The following ABCA1 variants were observed in gnomAD, a reference collection of about 807,000 sequenced individuals.
The protein encoded by ABCA1 is phospholipid-transporting ATPase ABCA1.
A neutral mutation model predicts 262.5 loss-of-function variants in ABCA1; 133 were observed. That is an observed-to-expected ratio of 0.51 (90% CI 0.44 to 0.59). The LOEUF is 0.59. ABCA1 is among the 20% of genes least tolerant of loss of function. The pLI is 0.00. For synonymous variants in ABCA1, 1,022 were observed against 1,043.5 expected (o/e 0.98, Z 0.40); for missense variants, 2,452 against 2,777.5 (o/e 0.88, Z 2.63).
At chr9:104,893,376 C>T (rs1839925366) in intron 2 of ABCA1, among the ~76,000 whole-genome samples, 2 of 131,064 alleles carry the variant, frequency 1.5e-5, no homozygotes, top group Admixed American at 8.6e-5. Context: ...GAGCCAAGAT[C>T]GCTCCATTGC....
intron 3 of ABCA1, among the ~76,000 whole-genome samples, chr9:104,888,284 G>GA (rs1204811728): frequency 6.6e-6 from 1 of 152,014 alleles, no homozygotes; most frequent in East Asian, 1.9e-4. Context: ...TTAGTGGTAG[G>GA]AAAAATCACT....
intron 39 of ABCA1, among the ~76,000 whole-genome samples, chr9:104,795,761 C>A (rs1435044066): frequency 6.6e-6 from 1 of 152,018 alleles, no homozygotes; most frequent in Non-Finnish European, 1.5e-5. Flanking sequence ...TCGCCCAGCT[C>A]TCATGTGTAA....
At chr9:104,790,469 A>G (rs767302860) in intron 44 of ABCA1, among the ~76,000 whole-genome samples, 4 of 152,228 alleles carry the variant, frequency 2.6e-5, no homozygotes, top group African/African-American at 4.8e-5. Flanking sequence ...CCACTGGGAA[A>G]TATTCATAAT....
intron 12 of ABCA1, 40 bp from the exon 13 acceptor site, chr9:104,831,867 G>A (rs13306067): frequency 2.5e-6 from 4 of 1,591,572 alleles, no homozygotes; most frequent in Admixed American, 1.7e-5. Flanking sequence ...TTGGCAGCCA[G>A]GACAACAAGC....
At chr9:104,815,993 G>A in intron 25 of ABCA1, 150 bp downstream of exon 25, 1 of 856,132 alleles carries the variant, frequency 1.2e-6, no homozygotes, top group Non-Finnish European at 2.0e-6. Context: ...CATCTTAAAT[G>A]GCTCACTGGG....
In ABCA1 at chr9:104,826,964, G is replaced by A. The variant is rs1409142466; in HGVS notation, c.2321C>T (p.Thr774Ile). The change falls in exon 16 of 50, where the codon ACA (threonine) becomes ATA (isoleucine). Residue 774 changes from threonine to isoleucine, a missense_variant. This residue lies in a region of ABCA1 where 1,032 missense variants were observed against 1,089.7 expected (regional missense o/e 0.95). Transcript: ENST00000374736. Reference sequence around the variant, plus strand: ...GGTACTCACAGCGAAGATCTTGAGTGTGAAGCCCACGTAGTCCTGCCATGC... The same window carrying A: ...GGTACTCACAGCGAAGATCTTGAGTATGAAGCCCACGTAGTCCTGCCATGC... ...CVAWQDYVGF[T>I]LKIFASLLSP... The A allele has an allele frequency of 6.2e-7, 1 of 1,613,864 alleles. No individual in the cohort carries two copies. Among genetic ancestry groups the A allele is most frequent in the Middle Eastern group, 1.7e-4 (1 of 5,978 alleles).
At chr9:104,885,853 A>G (rs1169846809) in intron 3 of ABCA1, among the ~76,000 whole-genome samples, 1 of 152,192 alleles carries the variant, frequency 6.6e-6, no homozygotes, top group Admixed American at 6.5e-5. Flanking sequence ...GTTCACAGTT[A>G]TCAAGAACCA....
At chr9:104,811,033 AGCACG>A in intron 28 of ABCA1, 109 bp from the exon 29 acceptor site, 1 of 1,518,078 alleles carries the variant, frequency 6.6e-7, no homozygotes, top group Non-Finnish European at 9.0e-7. Context: ...CCGACCAACC[AGCACG>A]GCAATGAGGA....
At position 104,825,809 on chromosome 9, in the gene ABCA1, A is replaced by C; in HGVS notation, c.2416T>G (p.Trp806Gly). 1 of 1,614,212 alleles carries C rather than the reference A, an allele frequency of 6.2e-7. No homozygotes were observed. The highest frequency in any genetic ancestry group is 8.5e-7 in the Non-Finnish European group (1 of 1,180,036). Residue 806 changes from tryptophan (W) to glycine (G), a missense_variant, in exon 17 of 50, where the codon TGG (tryptophan) becomes GGG (glycine). Trp to Gly is a radical substitution (Grantham distance 184, BLOSUM62 -2). Transcript: ENST00000374736. ...LFEEQGIGVQWDNLFESPVEE... is the reference protein window; with the variant it reads ...LFEEQGIGVQGDNLFESPVEE... ...ACAGGACTCTCAAACAGGTTGTCCC[A>C]CTGCACTCCAATGCCCTGCTCCTCA...
intron 2 of ABCA1, among the ~76,000 whole-genome samples, chr9:104,902,587 T>A (rs1383221541): frequency 6.6e-6 from 1 of 152,246 alleles, no homozygotes; most frequent in African/African-American, 2.4e-5. Flanking sequence ...CATATAGTTG[T>A]ATAATAACAG....
chr9:104,828,860 C>T (rs537629889), intron 15 of ABCA1, 56 bp downstream of exon 15: 335 of 1,560,840 alleles, frequency 2.1e-4, no homozygotes, highest in Admixed American at 2.7e-4. Flanking sequence ...TCCCTTAGCC[C>T]GTGTTGAGCT....
intron 5 of ABCA1, among the ~76,000 whole-genome samples, chr9:104,879,716 C>T (rs1418845003): frequency 1.3e-5 from 2 of 152,164 alleles, no homozygotes; most frequent in African/African-American, 4.8e-5. Context: ...AACAAGGTGA[C>T]GTGAATGCCA....
intron 5 of ABCA1, among the ~76,000 whole-genome samples, chr9:104,878,783 T>A (rs1291740804): frequency 6.6e-6 from 1 of 152,206 alleles, no homozygotes; most frequent in African/African-American, 2.4e-5. Flanking sequence ...AATAAAATGA[T>A]GCTCTAGCCA....
chr9:104,783,511 T>C lies in ABCA1; in HGVS notation c.*804A>G, dbSNP rs1828665180. On this transcript the variant is annotated 3_prime_UTR_variant, in exon 50 of 50. Coordinates refer to ENST00000374736, the MANE Select transcript of ABCA1 (RefSeq NM_005502.4). Reference sequence around the variant, plus strand: ...CCCCAGCAGTTTGGCTGTTGATTCTTTGCCTCTTACCAGGATCTAAGTATA... The same window carrying C: ...CCCCAGCAGTTTGGCTGTTGATTCTCTGCCTCTTACCAGGATCTAAGTATA... 1 of 152,260 alleles carries C rather than the reference T, an allele frequency of 6.6e-6. No homozygotes were observed. Among genetic ancestry groups the C allele is most frequent in the Non-Finnish European group, 1.5e-5 (1 of 68,084 alleles). 9.4% of individuals were successfully genotyped at this position (152,260 alleles called of 1,614,324 possible). A position where few individuals can be genotyped will look rare whatever the true frequency, so the allele number is the denominator to read the frequency against.
intron 5 of ABCA1, among the ~76,000 whole-genome samples, chr9:104,863,520 C>T (rs1836816116): frequency 6.6e-6 from 1 of 152,160 alleles, no homozygotes; most frequent in African/African-American, 2.4e-5. Flanking sequence ...GGAGTTAATC[C>T]GCGGAGCTAA....
At position 104,798,675 on chromosome 9, in the gene ABCA1, C is replaced by T. The variant is rs769827890; in HGVS notation, c.4944-77G>A. 7.2e-6 allele frequency: 9 copies of T among 1,257,684 alleles called. No homozygotes were observed. The Admixed American group carries it at 1.4e-4, about 19-fold the overall frequency. 77.9% of individuals were successfully genotyped at this position (1,257,684 alleles called of 1,614,324 possible). A position where few individuals can be genotyped will look rare whatever the true frequency, so the allele number is the denominator to read the frequency against. The stretch of plus-strand genomic sequence containing the variant: ...CTCAATCAGTGAGGACATGGACACA[C>T]AGACAAACACACACGTACACACACA... On this transcript the variant is annotated intron_variant, in intron 36 of 49. Transcript: ENST00000374736.
At chr9:104,837,151 A>G in intron 10 of ABCA1, 55 bp from the exon 11 acceptor site, 1 of 1,417,840 alleles carries the variant, frequency 7.1e-7, no homozygotes, top group Non-Finnish European at 9.7e-7. Flanking sequence ...AGCACAGACA[A>G]TGAGCGTTTG....
chr9:104,903,699 C>T lies in ABCA1; in HGVS notation c.-20G>A. ...AGCCATGTTCCCTCAGCCAGCACCC[C>T]CAGCGTGTGGCTCGGGAGCCCTGGA... On this transcript the variant is annotated 5_prime_UTR_variant, in exon 2 of 50. Coordinates refer to ENST00000374736, the MANE Select transcript of ABCA1 (RefSeq NM_005502.4). 6.4e-7 allele frequency: 1 copy of T among 1,570,576 alleles called. No homozygotes were observed. Among genetic ancestry groups the T allele is most frequent in the Non-Finnish European group, 8.6e-7 (1 of 1,157,324 alleles).
chr9:104,888,004 CTT>C (rs979604040), intron 3 of ABCA1, among the ~76,000 whole-genome samples: 8 of 151,572 alleles, frequency 5.3e-5, no homozygotes, highest in African/African-American at 1.9e-4. Flanking sequence ...CTGGCCCGCT[CTT>C]TTCTTTTTTG....
Sources: allele counts gnomAD v4.1 joint callset (sites outside exome capture counted in the v4.1 genomes callset), GRCh38; gene constraint gnomAD v4.1.1; regional missense constraint gnomAD v4.1.1; transcripts MANE v1.5; gene names NCBI Gene and HGNC (gene_info 2026-07-23, HGNC 2026-07-21).